TDRD3: variants seen among roughly 807,000 people sequenced by gnomAD.
TDRD3 encodes the protein tudor domain-containing protein 3.
TDRD3 carries 45 observed loss-of-function variants against 86.7 expected under a neutral mutation model. That is an observed-to-expected ratio of 0.52 (90% CI 0.41 to 0.67). The LOEUF is 0.67. Ranked by LOEUF, TDRD3 falls within the 30% of genes least tolerant of loss-of-function variation. The pLI, the probability that TDRD3 is intolerant of heterozygous loss-of-function variation, is 0.00. For missense variants in TDRD3, 814 were observed against 889.0 expected, an observed-to-expected ratio of 0.92 and a Z score of 1.07; for synonymous variants, 298 against 301.7, an observed-to-expected ratio of 0.99 and a Z score of 0.13.
At chr13:60,406,641 C>CTAA (rs749039185) in intron 1 of TDRD3, among the ~76,000 whole-genome samples, 1 of 152,098 alleles carries the variant, frequency 6.6e-6, no homozygotes, top group African/African-American at 2.4e-5. Context: ...GGGGAAAAAG[C>CTAA]TTTAGAATGC....
intron 5 of TDRD3, among the ~76,000 whole-genome samples, chr13:60,470,783 A>G (rs1385310064): frequency 6.6e-6 from 1 of 151,860 alleles, no homozygotes; most frequent in African/African-American, 2.4e-5. Flanking sequence ...GGGTTTCACT[A>G]TGTTGGCCAG....
intron 1 of TDRD3, among the ~76,000 whole-genome samples, chr13:60,407,514 A>G (rs1954263180): frequency 6.6e-6 from 1 of 152,190 alleles, no homozygotes. Flanking sequence ...ATTTGTTGAT[A>G]TTTTCTACCT....
intron 8 of TDRD3, among the ~76,000 whole-genome samples, chr13:60,503,867 A>T (rs774725363): frequency 6.6e-6 from 1 of 152,204 alleles, no homozygotes; most frequent in African/African-American, 2.4e-5. Context: ...TGTTAACCCC[A>T]ATTGGTTTAA....
intron 1 of TDRD3, among the ~76,000 whole-genome samples, chr13:60,415,676 T>C (rs1045507741): frequency 6.6e-6 from 1 of 152,178 alleles, no homozygotes; most frequent in Non-Finnish European, 1.5e-5. Flanking sequence ...GCAAATAAAA[T>C]TGCTTTCTTT....
intron 5 of TDRD3, among the ~76,000 whole-genome samples, chr13:60,470,647 G>A (rs935194410): frequency 1.4e-5 from 2 of 143,992 alleles, no homozygotes; most frequent in South Asian, 2.2e-4. Context: ...ACAATGGCAC[G>A]ATTTCGGCTT....
intron 7 of TDRD3, among the ~76,000 whole-genome samples, chr13:60,487,892 T>C: frequency 6.6e-6 from 1 of 152,232 alleles, no homozygotes; most frequent in East Asian, 1.9e-4. Context: ...CCACCAACAG[T>C]ACATAAGAGT....
chr13:60,481,870 A>C (rs1956325839), intron 5 of TDRD3, among the ~76,000 whole-genome samples: 1 of 152,204 alleles, frequency 6.6e-6, no homozygotes. Flanking sequence ...GAGTATAAGA[A>C]TTAGCTTTGG....
Position 60,460,164 on chromosome 13 carries a change from A to G in TDRD3, c.193-216A>G, listed in dbSNP as rs182819947. On this transcript the variant is annotated intron_variant, in intron 3 of 13. Coordinates refer to ENST00000377881, the MANE Select transcript of TDRD3 (RefSeq NM_001146070.2). ...ATGAATTCAGAATTATTAAAACAAAATTGTTCTTCAGGAGACCTTTTTGAA... is the reference window on the plus strand; with the variant it reads ...ATGAATTCAGAATTATTAAAACAAAGTTGTTCTTCAGGAGACCTTTTTGAA... Among the ~76,000 whole-genome samples the G allele has an allele frequency of 2.0e-3, 302 of 148,274 alleles. 2 individuals are homozygous for G. The highest frequency in any genetic ancestry group is 5.8e-3 in the Admixed American group (87 of 14,988).
intron 1 of TDRD3, 50 bp from the exon 2 acceptor site, chr13:60,439,638 G>A: frequency 7.1e-7 from 1 of 1,404,814 alleles, no homozygotes; most frequent in Non-Finnish European, 9.7e-7. Context: ...TAAGAATTTT[G>A]GTTAATTTTG....
chr13:60,534,229 C>T (rs1463266522), intron 11 of TDRD3, among the ~76,000 whole-genome samples: 1 of 152,156 alleles, frequency 6.6e-6, no homozygotes, highest in East Asian at 1.9e-4. Flanking sequence ...AAGAGGACAA[C>T]TTGAGCCCAG....
At chr13:60,560,439 T>C (rs1958306093) in intron 12 of TDRD3, among the ~76,000 whole-genome samples, 1 of 152,198 alleles carries the variant, frequency 6.6e-6, no homozygotes. Context: ...CTACTGTCTT[T>C]TTTGTACTAT....
Position 60,573,749 on chromosome 13 carries a change from G to A in TDRD3, c.*143G>A. On this transcript the variant is annotated 3_prime_UTR_variant, in exon 14 of 14. Coordinates refer to ENST00000377881, the MANE Select transcript of TDRD3 (RefSeq NM_001146070.2). ...GAAGAAAGAAAAAACAGATTTTAGG[G>A]TGGAAAAAACAGTCAACTCACACAA... 1.3e-6 allele frequency: 1 copy of A among 795,184 alleles called. No homozygotes were observed. Among genetic ancestry groups the A allele is most frequent in the Non-Finnish European group, 1.5e-6 (1 of 656,396 alleles). The allele number at this position is 795,184 out of a possible 1,614,324, so 49.3% of individuals were successfully genotyped here. A position where few individuals can be genotyped will look rare whatever the true frequency, so the allele number is the denominator to read the frequency against.
intron 8 of TDRD3, among the ~76,000 whole-genome samples, chr13:60,504,087 A>T (rs1595035403): frequency 6.6e-6 from 1 of 152,210 alleles, no homozygotes; most frequent in Admixed American, 6.5e-5. Context: ...GATTAATTTT[A>T]AAAATTTTAG....
At chr13:60,396,242 G>A (rs576800721), upstream of TDRD3, among the ~76,000 whole-genome samples, 1 of 152,220 alleles carries the variant, frequency 6.6e-6, no homozygotes, top group Non-Finnish European at 1.5e-5. Flanking sequence ...GGCAGATGGG[G>A]ACGCTGCCCC....
At position 60,527,627 on chromosome 13, in the gene TDRD3, A is replaced by G. The variant is rs1009274204; in HGVS notation, c.1142-740A>G. Among the ~76,000 whole-genome samples the G allele has an allele frequency of 2.0e-5, 3 of 152,214 alleles. No individual in the cohort carries two copies. In the East Asian group the frequency reaches 5.8e-4, roughly 29 times the overall value. On this transcript the variant is annotated intron_variant, in intron 10 of 13. Coordinates refer to ENST00000377881, the MANE Select transcript of TDRD3 (RefSeq NM_001146070.2). Reference sequence around the variant, plus strand: ...GAATAAAAATCACTATGTGAAATACAGTCATTAAAAATTACCTTTCTATAT... The same window carrying G: ...GAATAAAAATCACTATGTGAAATACGGTCATTAAAAATTACCTTTCTATAT...
At chr13:60,475,669 A>G (rs951186342) in intron 5 of TDRD3, among the ~76,000 whole-genome samples, 9 of 152,168 alleles carry the variant, frequency 5.9e-5, no homozygotes, top group Non-Finnish European at 1.2e-4. Context: ...GCAACTGTGT[A>G]TGTGTATTTT....
intron 11 of TDRD3, among the ~76,000 whole-genome samples, chr13:60,531,578 GC>G (rs1178217103): frequency 6.6e-6 from 1 of 152,184 alleles, no homozygotes; most frequent in Non-Finnish European, 1.5e-5. Context: ...ATGTTTGAAA[GC>G]CTTGGTAAGT....
At chr13:60,563,268 A>G (rs963333618) in intron 12 of TDRD3, among the ~76,000 whole-genome samples, 2 of 151,718 alleles carry the variant, frequency 1.3e-5, no homozygotes, top group African/African-American at 2.4e-5. Flanking sequence ...TTCATTAAGT[A>G]AAAATGAACA....
intron 3 of TDRD3, among the ~76,000 whole-genome samples, chr13:60,448,214 A>G (rs1955452823): frequency 6.6e-6 from 1 of 152,154 alleles, no homozygotes; most frequent in Admixed American, 6.6e-5. Context: ...CAGGTAAGAA[A>G]GATTGTAAGT....
Sources: gnomAD v4.1 joint callset for allele counts (sites outside exome capture counted in the v4.1 genomes callset) on GRCh38, gnomAD v4.1.1 for gene constraint, MANE v1.5 for transcripts, NCBI Gene and HGNC (gene_info 2026-07-23, HGNC 2026-07-21) for gene names.